The following CSNK1E variants were observed in gnomAD, a reference collection of about 807,000 sequenced individuals.
CSNK1E encodes the protein casein kinase 1 epsilon.
Under a neutral mutation model 46.1 loss-of-function variants are expected in CSNK1E, and 17 were observed. The ratio of observed to expected loss-of-function variants is 0.37; its 90% CI spans 0.25 to 0.55. The LOEUF (loss-of-function observed/expected upper bound fraction) is 0.55. Among genes scored for constraint, CSNK1E ranks in the 20% least tolerant of loss-of-function variants. The probability of loss-of-function intolerance (pLI) is 0.82; values close to 1 mark genes in which losing one functional copy is unlikely to be tolerated. For synonymous variants in CSNK1E, 241 were observed against 242.6 expected (o/e 0.99, Z 0.06); for missense variants, 386 against 595.4 (o/e 0.65, Z 3.66).
intron 2 of CSNK1E, among the ~76,000 whole-genome samples, chr22:38,312,771 T>C (rs1474784946): frequency 6.6e-6 from 1 of 152,230 alleles, no homozygotes; most frequent in African/African-American, 2.4e-5. Context: ...AAACTACAGA[T>C]GGGGACACTG....
intron 10 of CSNK1E, chr22:38,293,014 A>G (rs1297330393): frequency 1.8e-6 from 1 of 544,060 alleles, no homozygotes; most frequent in Non-Finnish European, 3.3e-6. Context: ...GGGCAGAAAA[A>G]GTTTTTCCAG....
At chr22:38,304,676 C>T (rs957078326) in intron 2 of CSNK1E, among the ~76,000 whole-genome samples, 1 of 152,186 alleles carries the variant, frequency 6.6e-6, no homozygotes, top group African/African-American at 2.4e-5. Context: ...CCCAGGGGTG[C>T]ACTCCTCACA....
intron 2 of CSNK1E, among the ~76,000 whole-genome samples, chr22:38,305,853 T>C (rs556788469): frequency 2.6e-5 from 4 of 152,220 alleles, no homozygotes; most frequent in Admixed American, 2.0e-4. Flanking sequence ...GAGTCGCCAC[T>C]GGAGGGGGAT....
rs531030617 is a variant in CSNK1E, at chr22:38,309,582, G to A, written c.76+4500C>T. ...CGATTCTCATGCCTCAGCCTCCCGA[G>A]TAACTGGGATTACAAGCAGACACCA... On this transcript the variant is annotated intron_variant, in intron 2 of 10. Coordinates refer to ENST00000396832, the MANE Select transcript of CSNK1E (RefSeq NM_152221.3). The surrounding 1 kb of genome is among the most constrained non-coding windows in gnomAD (Gnocchi z 4.8). Among the ~76,000 whole-genome samples, 1 of 152,104 alleles carries A rather than the reference G, an allele frequency of 6.6e-6. No individual in the cohort carries two copies. Among genetic ancestry groups the A allele is most frequent in the East Asian group, 1.9e-4 (1 of 5,166 alleles).
Position 38,309,524 on chromosome 22 carries a change from G to C in CSNK1E, c.76+4558C>G, listed in dbSNP as rs1330748156. Among the ~76,000 whole-genome samples, 2 of 151,606 alleles carry C rather than the reference G, an allele frequency of 1.3e-5. No homozygotes were observed. Among genetic ancestry groups the C allele is most frequent in the East Asian group, 1.9e-4 (1 of 5,178 alleles). On this transcript the variant is annotated intron_variant, in intron 2 of 10. Transcript: ENST00000396832. This position sits in a 1 kb window ranked among gnomAD's most constrained non-coding sequence, Gnocchi z 4.8. ...GGCTGGAGTGCAGTGGCATGATCTC[G>C]GCTCACTGCAACTTCTGCCTCCCGG...
rs540622041 is a variant in CSNK1E at position 38,315,638 on chromosome 22, G to C, written c.-12-1469C>G. Among the ~76,000 whole-genome samples the C allele has an allele frequency of 4.3e-5, 5 of 116,484 alleles. No individual in the cohort carries two copies. In the East Asian group the frequency reaches 1.1e-3, roughly 27 times the overall value. 76.4% of individuals were successfully genotyped at this position (116,484 alleles called of 152,430 possible). Reference sequence around the variant, plus strand: ...ACAGTGAGCCCTGTTGGGGGGTAAGGGGGGGTGTGCACGCAACCCCCCCCC... The same window carrying C: ...ACAGTGAGCCCTGTTGGGGGGTAAGCGGGGGTGTGCACGCAACCCCCCCCC... On this transcript the variant is annotated intron_variant, in intron 1 of 10. Transcript: ENST00000396832.
intron 7 of CSNK1E, chr22:38,297,889 A>T: frequency 2.8e-6 from 3 of 1,053,220 alleles, no homozygotes; most frequent in Non-Finnish European, 3.5e-6. Flanking sequence ...CGACATCAGA[A>T]ATGGGGCCCT....
Position 38,317,215 on chromosome 22 carries a change from G to T in CSNK1E, c.-68C>A. The T allele has an allele frequency of 6.7e-6, 1 of 150,300 alleles. No individual in the cohort carries two copies. The highest frequency in any genetic ancestry group is 1.8e-4 in the South Asian group (1 of 5,576). 9.3% of individuals were successfully genotyped at this position (150,300 alleles called of 1,614,324 possible). ...TGCTCGGGGGGCTGCCGCGGGCGGG[G>T]GCGGCCCGCCGGGGCGGATGCCGGA... On this transcript the variant is annotated 5_prime_UTR_variant, in exon 1 of 11. Coordinates refer to ENST00000396832, the MANE Select transcript of CSNK1E (RefSeq NM_152221.3).
chr22:38,292,316 T>A (rs1409866908), intron 10 of CSNK1E: 2 of 152,190 alleles, frequency 1.3e-5, no homozygotes, highest in East Asian at 3.9e-4. Context: ...CGTCCCTTGG[T>A]CTATCTCCCT....
chr22:38,293,337 GGA>G lies in CSNK1E; in HGVS notation c.1219-20_1219-19del. 2 of 1,516,040 alleles carry G rather than the reference GGA, an allele frequency of 1.3e-6. No individual in the cohort carries two copies. The highest frequency in any genetic ancestry group is 1.4e-5 in the African/African-American group (1 of 73,070). The allele number at this position is 1,516,040 out of a possible 1,614,324, so 93.9% of individuals were successfully genotyped here. On this transcript the variant is annotated intron_variant, in intron 9 of 10. Transcript: ENST00000396832. ...ACACTTGTCTTTTGAGGGTGGGGAG[GGA>G]GAGAGGGGGAGGGAGAGAGAGGGAG...
rs534849036 is a variant in CSNK1E, at chr22:38,294,141, G to T, written c.1186C>A (p.Arg396=). The change falls in exon 9 of 11, where the codon CGG becomes AGG. Residue 396 remains arginine, a synonymous_variant. Transcript: ENST00000396832. This position sits in a 1 kb window ranked among gnomAD's most constrained non-coding sequence, Gnocchi z 5.5. ...GCTGGGATCCGGGAGACCTCTTGCCGCCCAGTGAGGTCTGAGGAGGAGACG... is the reference window on the plus strand; with the variant it reads ...GCTGGGATCCGGGAGACCTCTTGCCTCCCAGTGAGGTCTGAGGAGGAGACG... ...ANVSSSDLTG[R]QEVSRIPASQ... 3.7e-6 allele frequency: 6 copies of T among 1,611,104 alleles called. No homozygotes were observed. Among genetic ancestry groups the T allele is most frequent in the Non-Finnish European group, 5.1e-6 (6 of 1,179,544 alleles).
intron 4 of CSNK1E, among the ~76,000 whole-genome samples, chr22:38,301,582 G>A (rs560504384): frequency 6.6e-6 from 1 of 152,140 alleles, no homozygotes; most frequent in Admixed American, 6.5e-5. Flanking sequence ...ATAGGCACGC[G>A]CCACCACACC....
chr22:38,298,556 G>A lies in CSNK1E; in HGVS notation c.885+230C>T, dbSNP rs1485336977. 1.3e-5 allele frequency: 7 copies of A among 540,802 alleles called. No individual in the cohort carries two copies. Among genetic ancestry groups the A allele is most frequent in the South Asian group, 2.0e-5 (1 of 50,024 alleles). 33.5% of individuals were successfully genotyped at this position (540,802 alleles called of 1,614,324 possible). On this transcript the variant is annotated intron_variant, in intron 7 of 10. Transcript: ENST00000396832. The surrounding 1 kb of genome is among the most constrained non-coding windows in gnomAD (Gnocchi z 4.2). ...CCCCAGGTGAAGCCAGATCCTCCTT[G>A]TTCCGACGGGAGACAGCGCCCTGCC... is the stretch of plus-strand genomic sequence containing the variant.
chr22:38,290,929 AAAAAT>A lies in CSNK1E; in HGVS notation c.*1037_*1041del, dbSNP rs1045235380. 3.3e-4 allele frequency: 50 copies of A among 152,340 alleles called. No homozygotes were observed. The highest frequency in any genetic ancestry group is 6.0e-4 in the African/African-American group (25 of 41,426). The allele number at this position is 152,340 out of a possible 1,614,324, so 9.4% of individuals were successfully genotyped here. ...AAACACACACACGGAGAAAACAAAC[AAAAAT>A]AAAATAAAATAAAAACAAAAAGGTG... is the stretch of plus-strand genomic sequence containing the variant. On this transcript the variant is annotated 3_prime_UTR_variant, in exon 11 of 11. Transcript: ENST00000396832.
At chr22:38,295,424 G>T in intron 7 of CSNK1E, 2 of 984,468 alleles carry the variant, frequency 2.0e-6, no homozygotes, top group South Asian at 4.7e-5. Context: ...GAAGGGCAGG[G>T]GGCTGGCAGG....
intron 2 of CSNK1E, among the ~76,000 whole-genome samples, chr22:38,305,926 G>A (rs914685010): frequency 3.9e-5 from 6 of 152,120 alleles, no homozygotes; most frequent in African/African-American, 9.7e-5. Flanking sequence ...ATCCTAGCAC[G>A]GTGCAAAACA....
intron 7 of CSNK1E, chr22:38,296,383 G>T: frequency 7.1e-7 from 1 of 1,400,646 alleles, no homozygotes. Context: ...CAGGCCCCAG[G>T]GATCCACAGA....
Position 38,309,383 on chromosome 22 carries a change from G to A in CSNK1E, c.76+4699C>T, listed in dbSNP as rs1247345859. On this transcript the variant is annotated intron_variant, in intron 2 of 10. Transcript: ENST00000396832. This position sits in a 1 kb window ranked among gnomAD's most constrained non-coding sequence, Gnocchi z 4.8. ...ATGTGTGCAGGGAGGAGAGGTGCTG[G>A]GGAGGTAGTGGTAGACAGGGCCCTC... Among the ~76,000 whole-genome samples the A allele has an allele frequency of 6.6e-6, 1 of 152,212 alleles. No homozygotes were observed. The highest frequency in any genetic ancestry group is 1.9e-4 in the East Asian group (1 of 5,200).
rs780418396 is a variant in CSNK1E at position 38,303,304 on chromosome 22, C to T, written c.77-56G>A. ...GTCACCCTCAAAGGCCAGGCAGTCC[C>T]AGGCGCCCCACTAAGCATTTCTGAG... is the stretch of plus-strand genomic sequence containing the variant. On this transcript the variant is annotated intron_variant, in intron 2 of 10. Transcript: ENST00000396832. The surrounding 1 kb of genome is among the most constrained non-coding windows in gnomAD (Gnocchi z 4.7). The T allele has an allele frequency of 5.6e-6, 8 of 1,439,336 alleles. No homozygotes were observed. Among genetic ancestry groups the T allele is most frequent in the African/African-American group, 1.4e-5 (1 of 71,332 alleles). The allele number at this position is 1,439,336 out of a possible 1,614,324, so 89.2% of individuals were successfully genotyped here.
Sources: gnomAD v4.1 joint callset for allele counts (sites outside exome capture counted in the v4.1 genomes callset) on GRCh38, gnomAD v4.1.1 for gene constraint, Gnocchi (gnomAD v3.1) non-coding constraint, MANE v1.5 for transcripts, NCBI Gene and HGNC (gene_info 2026-07-23, HGNC 2026-07-21) for gene names.